Variants in FAM135B observed in about 807,000 individuals in gnomAD.
The protein encoded by FAM135B is family with sequence similarity 135 member B, also known as protein FAM135B.
FAM135B carries 43 observed loss-of-function variants against 127.7 expected under a neutral mutation model. That is an observed-to-expected ratio of 0.34 (90% confidence interval 0.26 to 0.43). The LOEUF (loss-of-function observed/expected upper bound fraction) is 0.43. FAM135B is among the 20% of genes least tolerant of loss of function. FAM135B has a pLI of 1.00. For missense variants in FAM135B, 1,558 were observed against 1,725.6 expected, an observed-to-expected ratio of 0.90 and a Z score of 1.72; for synonymous variants, 670 against 665.1, an observed-to-expected ratio of 1.01 and a Z score of -0.11.
chr8:138,491,965 G>A (rs1288650171), intron 1 of FAM135B, among the ~76,000 whole-genome samples: 4 of 152,166 alleles, frequency 2.6e-5, no homozygotes, highest in Non-Finnish European at 4.4e-5. Flanking sequence ...GTGGTGAGCC[G>A]GGTTGGAACA....
At position 138,145,947 on chromosome 8, in the gene FAM135B, G is replaced by C. The variant is rs1270596921; in HGVS notation, c.3540+12C>G. 1 of 1,447,220 alleles carries C rather than the reference G, an allele frequency of 6.9e-7. No homozygotes were observed. The highest frequency in any genetic ancestry group is 9.7e-7 in the Non-Finnish European group (1 of 1,030,442). 89.6% of individuals were successfully genotyped at this position (1,447,220 alleles called of 1,614,324 possible). ...CAGGGTTCTTCCAGTTCTGATATTT[G>C]TATCATCATACCTGATTCTTTTCAG... On this transcript the variant is annotated intron_variant, in intron 15 of 19. Transcript: ENST00000395297.
intron 1 of FAM135B, among the ~76,000 whole-genome samples, chr8:138,483,056 T>C (rs1042324933): frequency 6.6e-6 from 1 of 152,002 alleles, no homozygotes; most frequent in Non-Finnish European, 1.5e-5. Context: ...TGGAAGAGAC[T>C]ATATTTCAGG....
At chr8:138,374,985 AC>A (rs568533294) in intron 1 of FAM135B, among the ~76,000 whole-genome samples, 359 of 136,042 alleles carry the variant, frequency 2.6e-3, no homozygotes, top group African/African-American at 0.011. Flanking sequence ...GGGAAAATTA[AC>A]AACAACAACA....
rs76219330 is a variant in FAM135B, at chr8:138,131,715, T to C, written c.*878A>G. ...AATTGCATCAAATGCTAACATAGCA[T>C]GTCTTTGGAAGTGTATCAGCAGGAG... On this transcript the variant is annotated 3_prime_UTR_variant, in exon 20 of 20. Transcript: ENST00000395297. 2,513 of 152,732 alleles carry C rather than the reference T, an allele frequency of 0.016. 26 individuals are homozygous for C. Among genetic ancestry groups the C allele is most frequent in the Middle Eastern group, 0.051 (15 of 294 alleles). The allele number at this position is 152,732 out of a possible 1,614,324, so 9.5% of individuals were successfully genotyped here.
chr8:138,365,917 C>T lies in FAM135B; in HGVS notation c.77+1990G>A, dbSNP rs2131204346. ...ACAGAAACAGCAAGGTCCTCCACAT[C>T]AATCTGGATTCTAATTATTAGTGAA... is the stretch of plus-strand genomic sequence containing the variant. On this transcript the variant is annotated intron_variant, in intron 2 of 19. Coordinates refer to ENST00000395297, the MANE Select transcript of FAM135B (RefSeq NM_015912.4). Among the ~76,000 whole-genome samples the T allele has an allele frequency of 1.3e-5, 2 of 152,266 alleles. 1 individual carries two copies. The highest frequency in any genetic ancestry group is 4.2e-4 in the South Asian group (2 of 4,818).
chr8:138,338,445 C>T (rs1232321850), intron 2 of FAM135B, among the ~76,000 whole-genome samples: 2 of 151,998 alleles, frequency 1.3e-5, no homozygotes, highest in Non-Finnish European at 2.9e-5. Context: ...AAAAAGTGGG[C>T]AAAGGATATA....
intron 2 of FAM135B, among the ~76,000 whole-genome samples, chr8:138,341,542 C>T (rs1248171506): frequency 7.2e-6 from 1 of 139,646 alleles, no homozygotes; most frequent in East Asian, 2.3e-4. Flanking sequence ...CTTATGAAGA[C>T]CAAAGAATTG....
chr8:138,175,034 C>T (rs4480167), intron 11 of FAM135B, among the ~76,000 whole-genome samples: 90,405 of 151,942 alleles, frequency 0.59, 27,494 homozygotes, highest in East Asian at 0.98. Flanking sequence ...CCCTTTACAC[C>T]TAAAAAAATT....
At chr8:138,164,082 C>T (rs1290086452) in intron 12 of FAM135B, among the ~76,000 whole-genome samples, 4 of 152,132 alleles carry the variant, frequency 2.6e-5, no homozygotes, top group Admixed American at 6.5e-5. Flanking sequence ...TATCTGATAA[C>T]GTCATGGCAA....
Position 138,152,319 on chromosome 8 carries a change from C to T in FAM135B, c.2156G>A (p.Arg719Gln), listed in dbSNP as rs750908660. 84 of 1,613,996 alleles carry T rather than the reference C, an allele frequency of 5.2e-5. No individual in the cohort carries two copies. Among genetic ancestry groups the T allele is most frequent in the Non-Finnish European group, 6.3e-5 (74 of 1,180,028 alleles). Residue 719 changes from arginine to glutamine, a missense_variant, in exon 13 of 20, where the codon CGA (arginine) becomes CAA (glutamine). Transcript: ENST00000395297. ...GGAGTTCCGGTGGAGGGCATGTCTT[C>T]GAACAAACGGGTGCAAGACTTCCCG... ...SDREVLHPFV[R>Q]RHALHRNSLE... is the part of the protein sequence containing the mutation.
chr8:138,164,625 C>A (rs1356698437), intron 12 of FAM135B, among the ~76,000 whole-genome samples: 2 of 152,306 alleles, frequency 1.3e-5, no homozygotes, highest in East Asian at 3.9e-4. Context: ...CAAAAGAATA[C>A]AACCATCTGT....
At chr8:138,322,510 G>T (rs1827517536) in intron 2 of FAM135B, among the ~76,000 whole-genome samples, 1 of 152,170 alleles carries the variant, frequency 6.6e-6, no homozygotes, top group African/African-American at 2.4e-5. Flanking sequence ...CCTCGGTCTT[G>T]TCCTAAGAGT....
In FAM135B at chr8:138,410,475, A is replaced by G. The variant is rs1833799720; in HGVS notation, c.-19-42473T>C. Among the ~76,000 whole-genome samples the G allele has an allele frequency of 2.6e-5, 4 of 152,294 alleles. No homozygotes were observed. The South Asian group carries it at 8.3e-4, about 32-fold the overall frequency. On this transcript the variant is annotated intron_variant, in intron 1 of 19. Coordinates refer to ENST00000395297, the MANE Select transcript of FAM135B (RefSeq NM_015912.4). ...CCAAGGGACTGAGGGAAGCTTCCAG[A>G]CAACAGCCTGTGGGAACAGAATCCT...
rs1424950166 is a variant in FAM135B at position 138,130,104 on chromosome 8, G to A, written c.*2489C>T. On this transcript the variant is annotated 3_prime_UTR_variant, in exon 20 of 20. Transcript: ENST00000395297. ...TAAAAACAAAAACAAAAATTACGCAGAGAATGAAGACATACAAGACCATTA... is the reference window on the plus strand; with the variant it reads ...TAAAAACAAAAACAAAAATTACGCAAAGAATGAAGACATACAAGACCATTA... 1.3e-5 allele frequency: 2 copies of A among 151,908 alleles called. No individual in the cohort carries two copies. Among genetic ancestry groups the A allele is most frequent in the Non-Finnish European group, 2.9e-5 (2 of 67,998 alleles). The allele number at this position is 151,908 out of a possible 1,614,324, so 9.4% of individuals were successfully genotyped here.
At chr8:138,437,483 A>G (rs1835517457) in intron 1 of FAM135B, 1 of 152,118 alleles carries the variant, frequency 6.6e-6, no homozygotes, top group Non-Finnish European at 1.5e-5. Context: ...CCGCCTTGTG[A>G]AGAAGGTGCC....
At chr8:138,336,254 A>G (rs1828573220) in intron 2 of FAM135B, among the ~76,000 whole-genome samples, 1 of 152,190 alleles carries the variant, frequency 6.6e-6, no homozygotes, top group African/African-American at 2.4e-5. Flanking sequence ...AATAACTAAG[A>G]TCAGAGCAGA....
chr8:138,302,447 G>T (rs1392213619), intron 3 of FAM135B, among the ~76,000 whole-genome samples: 2 of 152,162 alleles, frequency 1.3e-5, no homozygotes, highest in Non-Finnish European at 2.9e-5. Flanking sequence ...TAATGCCACT[G>T]CCTGAGCAAG....
chr8:138,143,500 C>T (rs780512087), intron 15 of FAM135B, among the ~76,000 whole-genome samples: 2 of 152,138 alleles, frequency 1.3e-5, no homozygotes, highest in Non-Finnish European at 2.9e-5. Flanking sequence ...CCAAGACAGG[C>T]CTGAATCCAA....
At position 138,216,956 on chromosome 8, in the gene FAM135B, G is replaced by T. The variant is rs569099343; in HGVS notation, c.670-19287C>A. Among the ~76,000 whole-genome samples, 4 of 152,260 alleles carry T rather than the reference G, an allele frequency of 2.6e-5. No individual in the cohort carries two copies. The East Asian group carries it at 7.7e-4, about 29-fold the overall frequency. The stretch of plus-strand genomic sequence containing the variant: ...TGTGGAGTCTACCAGCTTCTTCACT[G>T]TATGGTTATGCGACTTTGGTCAAAT... On this transcript the variant is annotated intron_variant, in intron 7 of 19. Transcript: ENST00000395297.
Sources: allele counts gnomAD v4.1 joint callset (sites outside exome capture counted in the v4.1 genomes callset), GRCh38; gene constraint gnomAD v4.1.1; transcripts MANE v1.5; gene names NCBI Gene and HGNC (gene_info 2026-07-23, HGNC 2026-07-21).